MKRN2: variants seen among roughly 807,000 people sequenced by gnomAD.
MKRN2 encodes E3 ubiquitin-protein ligase makorin-2.
A neutral mutation model predicts 45.4 loss-of-function variants in MKRN2; 32 were observed. The ratio of observed to expected loss-of-function variants is 0.70; its 90% confidence interval spans 0.53 to 0.95. The LOEUF (loss-of-function observed/expected upper bound fraction) is 0.95. Ranked by LOEUF, MKRN2 falls within the 40% of genes least tolerant of loss-of-function variation. The pLI is 0.00. For missense variants in MKRN2, 526 were observed against 536.7 expected (o/e 0.98, Z 0.20); for synonymous variants, 206 against 192.4 (o/e 1.07, Z -0.59).
At chr3:12,572,607 ATG>A (rs2058106538) in intron 4 of MKRN2, among the ~76,000 whole-genome samples, 4 of 149,784 alleles carry the variant, frequency 2.7e-5, no homozygotes, top group African/African-American at 9.8e-5. Context: ...TTTTTTTTTA[ATG>A]GAGTCTCCCT....
intron 1 of MKRN2, among the ~76,000 whole-genome samples, chr3:12,566,130 G>A (rs1473070537): frequency 1.3e-5 from 2 of 152,054 alleles, no homozygotes; most frequent in South Asian, 2.1e-4. Flanking sequence ...GTGGGATTAC[G>A]GGCATGAGCC....
rs772822649 is a variant in MKRN2 at position 12,572,395 on chromosome 3, T to C, written c.642+22T>C. The C allele has an allele frequency of 3.9e-6, 6 of 1,530,336 alleles. No individual in the cohort carries two copies. In the East Asian group the frequency reaches 1.1e-4, roughly 29 times the overall value. The allele number at this position is 1,530,336 out of a possible 1,614,324, so 94.8% of individuals were successfully genotyped here. A position where few individuals can be genotyped will look rare whatever the true frequency, so the allele number is the denominator to read the frequency against. On this transcript the variant is annotated intron_variant, in intron 4 of 7. Coordinates refer to ENST00000170447, the MANE Select transcript of MKRN2 (RefSeq NM_014160.5). ...AAAGGTAAAGTCACAAACCTTTGCA[T>C]GAACTCATGTTAAGAAATCTGAAAT... is the stretch of plus-strand genomic sequence containing the variant.
chr3:12,569,737 A>G (rs2125303551), intron 2 of MKRN2, among the ~76,000 whole-genome samples: 1 of 152,262 alleles, frequency 6.6e-6, no homozygotes, highest in South Asian at 2.1e-4. Context: ...CCTGCTCAAA[A>G]GAATACTGGG....
rs947241439 is a variant in MKRN2 at position 12,582,738 on chromosome 3, AAC to A, written c.*491_*492del. On this transcript the variant is annotated 3_prime_UTR_variant, in exon 8 of 8. Transcript: ENST00000170447. ...TTTTGATTTATACAGAGCTTTCAAG[AAC>A]ACACAATGCAAAGTGAGCGCAGCAT... 6.4e-6 allele frequency: 1 copy of A among 155,690 alleles called. No individual in the cohort carries two copies. Among genetic ancestry groups the A allele is most frequent in the Non-Finnish European group, 1.4e-5 (1 of 70,040 alleles). 9.6% of individuals were successfully genotyped at this position (155,690 alleles called of 1,614,324 possible).
chr3:12,562,191 C>G (rs1419562788), intron 1 of MKRN2, among the ~76,000 whole-genome samples: 1 of 152,188 alleles, frequency 6.6e-6, no homozygotes, highest in Non-Finnish European at 1.5e-5. Context: ...CTCTGCCTAG[C>G]ATGAACCAAA....
chr3:12,582,063 C>G, intron 7 of MKRN2, 53 bp from the exon 8 acceptor site: 2 of 1,611,278 alleles, frequency 1.2e-6, no homozygotes, highest in Non-Finnish European at 1.7e-6. Context: ...AGGAACGCAG[C>G]CTTCCTGTTG....
intron 6 of MKRN2, among the ~76,000 whole-genome samples, 153 bp from the exon 7 acceptor site, chr3:12,581,655 T>C (rs1007892667): frequency 6.6e-6 from 1 of 152,104 alleles, no homozygotes; most frequent in African/African-American, 2.4e-5. Flanking sequence ...CTGAGACAAA[T>C]CACTCAACCT....
At chr3:12,558,407 A>G (rs2058002938) in intron 1 of MKRN2, among the ~76,000 whole-genome samples, 1 of 152,126 alleles carries the variant, frequency 6.6e-6, no homozygotes, top group Non-Finnish European at 1.5e-5. Context: ...AAGTATTCCT[A>G]GGTCATTGTG....
chr3:12,569,796 A>G (rs1363466897), intron 2 of MKRN2, among the ~76,000 whole-genome samples: 1 of 152,168 alleles, frequency 6.6e-6, no homozygotes, highest in East Asian at 1.9e-4. Flanking sequence ...TGGAACTTTC[A>G]GGTTCTCTGT....
At position 12,568,889 on chromosome 3, in the gene MKRN2, G is replaced by C; in HGVS notation, c.41G>C (p.Gly14Ala). Residue 14 changes from glycine (G) to alanine (A), a missense_variant, in exon 2 of 8, where the codon GGT (glycine) becomes GCT (alanine). Gly to Ala is a moderately conservative substitution (Grantham distance 60). Transcript: ENST00000170447. ...TGTCTCTGCAGGTATTTTATGCATG[G>C]TGTGTGTCGGGAAGGAAGTCAGTGC... The part of the protein sequence containing the change: ...KQITCRYFMH[G>A]VCREGSQCLF... The C allele has an allele frequency of 4.3e-6, 7 of 1,613,644 alleles. No individual in the cohort carries two copies. The highest frequency in any genetic ancestry group is 5.9e-6 in the Non-Finnish European group (7 of 1,179,894).
chr3:12,562,776 T>C (rs1405244007), intron 1 of MKRN2, among the ~76,000 whole-genome samples: 1 of 151,994 alleles, frequency 6.6e-6, no homozygotes, highest in Non-Finnish European at 1.5e-5. Context: ...GGGATCTACG[T>C]TGTGTGCTTC....
chr3:12,568,949 C>T lies in MKRN2; in HGVS notation c.101C>T (p.Ser34Phe). ...FSHDLANSKP[S>F]TICKYYQKGY... Reference sequence around the variant, plus strand: ...CATGACTTGGCAAACAGCAAACCGTCCACCATCTGCAAGTACTACCAGAAG... The same window carrying T: ...CATGACTTGGCAAACAGCAAACCGTTCACCATCTGCAAGTACTACCAGAAG... Residue 34 changes from serine to phenylalanine, a missense_variant, in exon 2 of 8, where the codon TCC becomes TTC. Transcript: ENST00000170447. 3 of 1,614,130 alleles carry T rather than the reference C, an allele frequency of 1.9e-6. No homozygotes were observed. The highest frequency in any genetic ancestry group is 2.5e-6 in the Non-Finnish European group (3 of 1,180,014).
In MKRN2 at chr3:12,582,128, G is replaced by C; in HGVS notation, c.1126G>C (p.Val376Leu). The C allele has an allele frequency of 6.2e-7, 1 of 1,614,148 alleles. No homozygotes were observed. The highest frequency in any genetic ancestry group is 1.7e-4 in the Middle Eastern group (1 of 6,060). The change falls in exon 8 of 8, where the codon GTG (valine) becomes CTG (leucine). Residue 376 changes from valine (V) to leucine (L), a missense_variant. Transcript: ENST00000170447. The part of the protein sequence containing the change: ...SQGTVRFFNS[V>L]RLWDFIENRE... ...GCTGTTTTTGCAGTTCTTTAATTCA[G>C]TGCGGCTCTGGGATTTCATCGAGAA...
At chr3:12,572,517 G>T in intron 4 of MKRN2, 144 bp downstream of exon 4, 1 of 668,922 alleles carries the variant, frequency 1.5e-6, no homozygotes. Flanking sequence ...GCATCCCCCT[G>T]CCAGTAATAC....
chr3:12,575,994 C>T (rs1027750349), intron 5 of MKRN2, among the ~76,000 whole-genome samples: 10 of 152,172 alleles, frequency 6.6e-5, no homozygotes, highest in African/African-American at 2.4e-4. Context: ...GTGAACACAG[C>T]ATGTGGGCAT....
chr3:12,560,442 G>A (rs2596820), intron 1 of MKRN2, among the ~76,000 whole-genome samples: 86,113 of 147,436 alleles, frequency 0.58, 27,370 homozygotes, highest in African/African-American at 0.85. Flanking sequence ...GAGTATAGCC[G>A]TAAAATTTTA....
chr3:12,563,487 T>C (rs943387332), intron 1 of MKRN2, among the ~76,000 whole-genome samples: 2 of 145,020 alleles, frequency 1.4e-5, no homozygotes, highest in African/African-American at 5.1e-5. Flanking sequence ...CTAGTTCTTT[T>C]TTTTTTTTTT....
intron 6 of MKRN2, among the ~76,000 whole-genome samples, chr3:12,579,675 G>C (rs528905982): frequency 2.0e-5 from 3 of 152,222 alleles, no homozygotes; most frequent in Non-Finnish European, 4.4e-5. Flanking sequence ...GGGCACAGAA[G>C]GGTGTAGGTT....
chr3:12,582,491 C>A lies in MKRN2; in HGVS notation c.*238C>A, dbSNP rs149936128. On this transcript the variant is annotated 3_prime_UTR_variant, in exon 8 of 8. Coordinates refer to ENST00000170447, the MANE Select transcript of MKRN2 (RefSeq NM_014160.5). The stretch of plus-strand genomic sequence containing the variant: ...ATTTTTATAGCTGATATAGTTACAC[C>A]TCAAGCCCCTCAGGGGTAACAACTA... 2.9e-5 allele frequency: 14 copies of A among 478,236 alleles called. No individual in the cohort carries two copies. The highest frequency in any genetic ancestry group is 2.7e-4 in the African/African-American group (14 of 52,156). 29.6% of individuals were successfully genotyped at this position (478,236 alleles called of 1,614,324 possible). A position where few individuals can be genotyped will look rare whatever the true frequency, so the allele number is the denominator to read the frequency against.
Sources: allele counts gnomAD v4.1 joint callset (sites outside exome capture counted in the v4.1 genomes callset), GRCh38; gene constraint gnomAD v4.1.1; transcripts MANE v1.5; gene names NCBI Gene and HGNC (gene_info 2026-07-23, HGNC 2026-07-21).